HGD: variants seen among roughly 807,000 people sequenced by gnomAD.
The protein encoded by HGD is homogentisate 1,2-dioxygenase, also known as homogentisate oxidase.
HGD carries 61 observed loss-of-function variants against 60.8 expected under a neutral mutation model. That is an observed-to-expected ratio of 1.00 (90% confidence interval 0.82 to 1.24). The LOEUF is 1.24. Among genes scored for constraint, HGD ranks in the 50% most tolerant of loss-of-function variants. The pLI, the probability that HGD is intolerant of heterozygous loss-of-function variation, is 0.00. For missense variants in HGD, 542 were observed against 547.1 expected (o/e 0.99, Z 0.09); for synonymous variants, 212 against 187.7 (o/e 1.13, Z -1.06).
intron 1 of HGD, among the ~76,000 whole-genome samples, chr3:120,681,820 G>A (rs541925970): frequency 1.5e-4 from 23 of 152,336 alleles, no homozygotes; most frequent in African/African-American, 5.1e-4. Context: ...CCGTAGTGGA[G>A]GGGAGCTCTT....
In HGD at chr3:120,670,483, T is replaced by A; in HGVS notation, c.226A>T (p.Ile76Phe). ...TTGTGAGTGACTTGGCCTTCGTCAA[T>A]GGATTCAAAGGGCTTGTGAGAAACT... ...PSVSHKPFESIDEGQVTHNWD... is the reference protein window; with the variant it reads ...PSVSHKPFESFDEGQVTHNWD... Residue 76 changes from isoleucine to phenylalanine, a missense_variant, in exon 4 of 14, where the codon ATT becomes TTT. By Grantham distance (21) the Ile-to-Phe change is conservative (BLOSUM62 0). Coordinates refer to ENST00000283871, the MANE Select transcript of HGD (RefSeq NM_000187.4). The A allele has an allele frequency of 1.2e-6, 2 of 1,611,692 alleles. No individual in the cohort carries two copies. The highest frequency in any genetic ancestry group is 1.7e-6 in the Non-Finnish European group (2 of 1,177,814).
chr3:120,638,869 C>T (rs1321159682), intron 11 of HGD, among the ~76,000 whole-genome samples: 1 of 152,034 alleles, frequency 6.6e-6, no homozygotes, highest in Non-Finnish European at 1.5e-5. Context: ...GTGAGAAGGA[C>T]CCGGTGGGAG....
intron 12 of HGD, among the ~76,000 whole-genome samples, chr3:120,635,099 T>C (rs1940717845): frequency 6.6e-6 from 1 of 152,210 alleles, no homozygotes; most frequent in African/African-American, 2.4e-5. Flanking sequence ...TGAATTTAGA[T>C]AGCAGTGAGC....
At chr3:120,642,619 C>A (rs1169454638) in intron 10 of HGD, among the ~76,000 whole-genome samples, 4 of 152,176 alleles carry the variant, frequency 2.6e-5, no homozygotes, top group Non-Finnish European at 5.9e-5. Context: ...AGTATGACAT[C>A]AACAAATACA....
intron 1 of HGD, among the ~76,000 whole-genome samples, chr3:120,676,144 A>G (rs1708126724): frequency 6.6e-6 from 1 of 151,882 alleles, no homozygotes; most frequent in Non-Finnish European, 1.5e-5. Flanking sequence ...CTACACTGTA[A>G]CCTCCCTGAA....
chr3:120,639,677 G>C (rs1385088547), intron 11 of HGD, among the ~76,000 whole-genome samples: 1 of 152,056 alleles, frequency 6.6e-6, no homozygotes, highest in African/African-American at 2.4e-5. Context: ...TCCAAGTTTT[G>C]GTGTAGATGT....
At chr3:120,663,547 C>A (rs1707827830) in intron 4 of HGD, among the ~76,000 whole-genome samples, 1 of 151,982 alleles carries the variant, frequency 6.6e-6, no homozygotes, top group Non-Finnish European at 1.5e-5. Context: ...TGGGTGGGGA[C>A]ACAGTCAAAC....
At position 120,650,472 on chromosome 3, in the gene HGD, T is replaced by A. The variant is rs1941303596; in HGVS notation, c.434+302A>T. ...ACAAAAGCATATTTGGACTCAGACT[T>A]AAAGTCAAAATGCCTTTCGATCTAC... is the stretch of plus-strand genomic sequence containing the variant. On this transcript the variant is annotated intron_variant, in intron 6 of 13. Transcript: ENST00000283871. Among the ~76,000 whole-genome samples, 3 of 152,246 alleles carry A rather than the reference T, an allele frequency of 2.0e-5. No homozygotes were observed. The South Asian group carries it at 6.2e-4, about 32-fold the overall frequency.
intron 5 of HGD, among the ~76,000 whole-genome samples, chr3:120,651,434 C>A (rs1409241362): frequency 6.6e-6 from 1 of 152,144 alleles, no homozygotes; most frequent in Non-Finnish European, 1.5e-5. Flanking sequence ...TAGCCCTCAG[C>A]CCCAAACCTG....
chr3:120,643,973 G>T (rs1447231167), intron 10 of HGD, among the ~76,000 whole-genome samples: 1 of 152,076 alleles, frequency 6.6e-6, no homozygotes, highest in Non-Finnish European at 1.5e-5. Context: ...ATATTATGCT[G>T]CCCATATATT....
chr3:120,648,433 T>C (rs1050106947), intron 6 of HGD, among the ~76,000 whole-genome samples: 5 of 152,218 alleles, frequency 3.3e-5, no homozygotes, highest in African/African-American at 2.4e-5. Context: ...CAGAGCCTTG[T>C]CATAGGGCTG....
intron 1 of HGD, among the ~76,000 whole-genome samples, chr3:120,681,202 AG>A (rs1226520731): frequency 2.0e-5 from 3 of 152,212 alleles, no homozygotes; most frequent in Non-Finnish European, 4.4e-5. Context: ...CCCTGCATTC[AG>A]GGAAGATGTC....
intron 10 of HGD, among the ~76,000 whole-genome samples, chr3:120,642,268 G>C (rs761767248): frequency 6.6e-6 from 1 of 152,148 alleles, no homozygotes; most frequent in Non-Finnish European, 1.5e-5. Flanking sequence ...TAGGAAGGTG[G>C]TCCCTTCTGT....
At chr3:120,675,169 T>C (rs1050811503) in intron 2 of HGD, among the ~76,000 whole-genome samples, 180 bp from the exon 3 acceptor site, 5 of 152,142 alleles carry the variant, frequency 3.3e-5, no homozygotes, top group African/African-American at 4.8e-5. Context: ...AAAAGTAATA[T>C]ATATTTATTG....
Position 120,644,427 on chromosome 3 carries a change from G to C in HGD, c.666C>G (p.Ala222=), listed in dbSNP as rs143942333. 16 of 1,613,942 alleles carry C rather than the reference G, an allele frequency of 9.9e-6. No individual in the cohort carries two copies. The highest frequency in any genetic ancestry group is 1.4e-5 in the Non-Finnish European group (16 of 1,180,004). Residue 222 remains alanine, a synonymous_variant, in exon 10 of 14, where the codon GCC becomes GCG. Coordinates refer to ENST00000283871, the MANE Select transcript of HGD (RefSeq NM_000187.4). ...DLGPIGANGL[A]NPRDFLIPIA... is the part of the protein sequence containing the mutation. ...TGGGTATCAAGAAATCACGAGGATT[G>C]GCCAAGCCATTGGCCCCTAGAAAAC...
chr3:120,674,223 C>A (rs1303385639), intron 3 of HGD, among the ~76,000 whole-genome samples: 1 of 152,168 alleles, frequency 6.6e-6, no homozygotes, highest in East Asian at 1.9e-4. Flanking sequence ...TTGTTTAAAT[C>A]ATAACACTTA....
rs1052132387 is a variant in HGD at position 120,628,469 on chromosome 3, T to G, written c.1249A>C (p.Arg417=). The G allele has an allele frequency of 3.7e-6, 6 of 1,614,022 alleles. No individual in the cohort carries two copies. The Admixed American group carries it at 8.3e-5, about 22-fold the overall frequency. The stretch of plus-strand genomic sequence containing the variant: ...TTGTGGTAGTTCTCATCCAAACACC[T>G]GGAGGCCTTGAGTCCCCACTTTGTG... ...AVTKWGLKAS[R]CLDENYHKCW... Residue 417 remains arginine (R), a synonymous_variant, in exon 14 of 14, where the codon AGG becomes CGG. Coordinates refer to ENST00000283871, the MANE Select transcript of HGD (RefSeq NM_000187.4).
intron 3 of HGD, 150 bp downstream of exon 3, chr3:120,674,751 A>C (rs912760541): frequency 4.7e-5 from 31 of 665,544 alleles, no homozygotes; most frequent in Non-Finnish European, 6.4e-5. Flanking sequence ...CAGGAAGTTC[A>C]TTCTCTTCTG....
chr3:120,656,834 G>A (rs1941513190), intron 4 of HGD, among the ~76,000 whole-genome samples: 1 of 152,220 alleles, frequency 6.6e-6, no homozygotes, highest in Non-Finnish European at 1.5e-5. Flanking sequence ...TTACAGGCAT[G>A]AGCCACTGTG....
Sources: allele counts gnomAD v4.1 joint callset (sites outside exome capture counted in the v4.1 genomes callset), GRCh38; gene constraint gnomAD v4.1.1; transcripts MANE v1.5; gene names NCBI Gene and HGNC (gene_info 2026-07-23, HGNC 2026-07-21).